Variants in CAMSAP1 observed in about 807,000 individuals in gnomAD.
CAMSAP1 encodes calmodulin regulated spectrin associated protein 1.
Under a neutral mutation model 143.5 loss-of-function variants are expected in CAMSAP1, and 58 were observed. The observed-to-expected ratio is 0.40, with a 90% confidence interval of 0.33 to 0.50. The LOEUF (loss-of-function observed/expected upper bound fraction) is 0.50, where lower values mean the gene tolerates loss of function less well. Ranked by LOEUF, CAMSAP1 falls within the 20% of genes least tolerant of loss-of-function variation. The probability of loss-of-function intolerance (pLI) is 0.45; values close to 1 mark genes in which losing one functional copy is unlikely to be tolerated. For synonymous variants in CAMSAP1, 945 were observed against 859.3 expected, an observed-to-expected ratio of 1.10 and a Z score of -1.74; for missense variants, 1,969 against 2,115.7, an observed-to-expected ratio of 0.93 and a Z score of 1.36.
At chr9:135,861,520 G>A (rs2130930673) in intron 5 of CAMSAP1, among the ~76,000 whole-genome samples, 1 of 152,220 alleles carries the variant, frequency 6.6e-6, no homozygotes, top group South Asian at 2.1e-4. Context: ...GGTCAGGCTG[G>A]TCTCTAACTC....
intron 1 of CAMSAP1, among the ~76,000 whole-genome samples, chr9:135,892,003 A>G (rs1564461105): frequency 6.6e-6 from 1 of 152,232 alleles, no homozygotes. Context: ...AGAGAGAAGA[A>G]ACTGATGGGA....
chr9:135,853,131 G>A (rs769469450), intron 5 of CAMSAP1, among the ~76,000 whole-genome samples: 9 of 152,192 alleles, frequency 5.9e-5, no homozygotes, highest in Admixed American at 1.3e-4. Context: ...TCACCAATAC[G>A]GAGATGTCCC....
At chr9:135,904,765 G>A (rs1052018154) in intron 1 of CAMSAP1, among the ~76,000 whole-genome samples, 4 of 152,084 alleles carry the variant, frequency 2.6e-5, no homozygotes, top group East Asian at 3.9e-4. Context: ...TCAGGAGTTC[G>A]AGACCAGCCT....
At chr9:135,839,810 C>A (rs977669625) in intron 7 of CAMSAP1, among the ~76,000 whole-genome samples, 3 of 152,030 alleles carry the variant, frequency 2.0e-5, no homozygotes, top group Non-Finnish European at 4.4e-5. Context: ...GCCCACCGAG[C>A]CCCTCTCTAC....
At chr9:135,813,137 C>T (rs1158858214) in intron 16 of CAMSAP1, among the ~76,000 whole-genome samples, 1 of 152,202 alleles carries the variant, frequency 6.6e-6, no homozygotes, top group Non-Finnish European at 1.5e-5. Flanking sequence ...TCTCCACATG[C>T]GGCCCAGGCA....
chr9:135,829,453 G>A (rs1003453301), intron 7 of CAMSAP1, among the ~76,000 whole-genome samples: 7 of 152,116 alleles, frequency 4.6e-5, no homozygotes, highest in Non-Finnish European at 1.0e-4. Flanking sequence ...GGAGTCTGAG[G>A]CTGCAGTGAG....
Position 135,824,883 on chromosome 9 carries a change from A to G in CAMSAP1, c.1224-3T>C. On this transcript the variant is annotated splice_region_variant and splice_polypyrimidine_tract_variant and intron_variant, in intron 8 of 16. Coordinates refer to ENST00000389532, the MANE Select transcript of CAMSAP1 (RefSeq NM_015447.4). The surrounding 1 kb of genome is among the most constrained non-coding windows in gnomAD (Gnocchi z 4.1). The stretch of plus-strand genomic sequence containing the variant: ...TGAAGGCAGCAGTTCCTTTCCCGCT[A>G]AATGGAAAAAGAATTACAGGGAAAA... The G allele has an allele frequency of 6.3e-7, 1 of 1,577,778 alleles. No homozygotes were observed. The highest frequency in any genetic ancestry group is 8.6e-7 in the Non-Finnish European group (1 of 1,161,366).
At chr9:135,901,140 C>CCAT (rs1179132504) in intron 1 of CAMSAP1, among the ~76,000 whole-genome samples, 2 of 152,190 alleles carry the variant, frequency 1.3e-5, no homozygotes, top group Non-Finnish European at 2.9e-5. Context: ...GTCAAGGGCA[C>CCAT]CATCGTTCCT....
chr9:135,822,408 A>T lies in CAMSAP1; in HGVS notation c.2253T>A (p.Asp751Glu). Reference sequence around the variant, plus strand: ...CCACAGGATGGGCCTCACCCATGAAATCGTGCTCGGCTTCCTCTATGTCCA... The same window carrying T: ...CCACAGGATGGGCCTCACCCATGAATTCGTGCTCGGCTTCCTCTATGTCCA... Reference protein sequence around the residue: ...DVVDIEEAEHDFMGEAHPVVF... With the variant: ...DVVDIEEAEHEFMGEAHPVVF... The change falls in exon 11 of 17, where the codon GAT becomes GAA. Residue 751 changes from aspartate to glutamate, a missense_variant. Asp to Glu is a conservative substitution (Grantham distance 45). Transcript: ENST00000389532. The surrounding 1 kb of genome is among the most constrained non-coding windows in gnomAD (Gnocchi z 6.1). 6.2e-7 allele frequency: 1 copy of T among 1,613,984 alleles called. No individual in the cohort carries two copies. Among genetic ancestry groups the T allele is most frequent in the Non-Finnish European group, 8.5e-7 (1 of 1,179,896 alleles).
chr9:135,858,766 G>A (rs1461970403), intron 5 of CAMSAP1, among the ~76,000 whole-genome samples: 1 of 152,228 alleles, frequency 6.6e-6, no homozygotes. Context: ...GCAGCCCCCA[G>A]GCCAAGGCCA....
chr9:135,824,071 A>C lies in CAMSAP1; in HGVS notation c.1316-37T>G. On this transcript the variant is annotated intron_variant, in intron 9 of 16. Transcript: ENST00000389532. This position sits in a 1 kb window ranked among gnomAD's most constrained non-coding sequence, Gnocchi z 4.1. ...AGGAATTAGATAGTGTTAAGTAACC[A>C]ATTTTCTATCACTTGAAATTCTTTC... 6.6e-7 allele frequency: 1 copy of C among 1,517,292 alleles called. No homozygotes were observed. The highest frequency in any genetic ancestry group is 9.0e-7 in the Non-Finnish European group (1 of 1,114,430). 94.0% of individuals were successfully genotyped at this position (1,517,292 alleles called of 1,614,324 possible).
At chr9:135,887,654 G>C (rs1838167499) in intron 1 of CAMSAP1, among the ~76,000 whole-genome samples, 1 of 152,140 alleles carries the variant, frequency 6.6e-6, no homozygotes, top group South Asian at 2.1e-4. Context: ...GAAGGGGTGG[G>C]CGGCCCATCA....
intron 3 of CAMSAP1, among the ~76,000 whole-genome samples, chr9:135,867,903 G>A (rs530673974): frequency 2.6e-5 from 4 of 152,162 alleles, no homozygotes; most frequent in South Asian, 2.1e-4. Flanking sequence ...ACCCCAAGAC[G>A]CCTCCCATCC....
rs914979807 is a variant in CAMSAP1, at chr9:135,824,224, G to A, written c.1316-190C>T. Among the ~76,000 whole-genome samples the A allele has an allele frequency of 6.6e-6, 1 of 152,230 alleles. No individual in the cohort carries two copies. Among genetic ancestry groups the A allele is most frequent in the Non-Finnish European group, 1.5e-5 (1 of 68,050 alleles). On this transcript the variant is annotated intron_variant, in intron 9 of 16. Transcript: ENST00000389532. The surrounding 1 kb of genome is among the most constrained non-coding windows in gnomAD (Gnocchi z 4.1). Reference sequence around the variant, plus strand: ...GGTAACACACAGTTCAGAACTGTGAGAGAGCTTCAGCATGTGTGAGCCCTG... The same window carrying A: ...GGTAACACACAGTTCAGAACTGTGAAAGAGCTTCAGCATGTGTGAGCCCTG...
intron 1 of CAMSAP1, among the ~76,000 whole-genome samples, chr9:135,886,112 T>C (rs938305108): frequency 6.6e-6 from 1 of 152,218 alleles, no homozygotes; most frequent in African/African-American, 2.4e-5. Flanking sequence ...TAATAGTTTC[T>C]TGTTGTTTTT....
At chr9:135,863,562 G>A (rs1299007779) in intron 4 of CAMSAP1, among the ~76,000 whole-genome samples, 1 of 152,184 alleles carries the variant, frequency 6.6e-6, no homozygotes, top group African/African-American at 2.4e-5. Flanking sequence ...GAATCAACTT[G>A]AGGAGAAATT....
chr9:135,821,226 G>C lies in CAMSAP1; in HGVS notation c.3435C>G (p.Pro1145=). The C allele has an allele frequency of 6.2e-7, 1 of 1,608,176 alleles. No homozygotes were observed. The highest frequency in any genetic ancestry group is 8.5e-7 in the Non-Finnish European group (1 of 1,179,776). ...GGGCACTGTCCAGGCCAGGGTCCGTGGGCGTCCGAGGGTGGCTGCTGGCAG... is the reference window on the plus strand; with the variant it reads ...GGGCACTGTCCAGGCCAGGGTCCGTCGGCGTCCGAGGGTGGCTGCTGGCAG... ...PFPASSHPRT[P]TDPGLDSALE... Residue 1145 remains proline, a synonymous_variant, in exon 11 of 17, where the codon CCC becomes CCG. Coordinates refer to ENST00000389532, the MANE Select transcript of CAMSAP1 (RefSeq NM_015447.4). This position sits in a 1 kb window ranked among gnomAD's most constrained non-coding sequence, Gnocchi z 4.6.
chr9:135,821,163 G>A lies in CAMSAP1; in HGVS notation c.3498C>T (p.Phe1166=), dbSNP rs183813341. ...TTTCATCATGGAGCCTGTAACTGTC[G>A]AAGAGACACTTCCCATGTGGGTCAC... is the stretch of plus-strand genomic sequence containing the variant. ...PSGDPHGKCL[F]DSYRLHDESN... Residue 1166 remains phenylalanine (F), a synonymous_variant, in exon 11 of 17, where the codon TTC becomes TTT. Coordinates refer to ENST00000389532, the MANE Select transcript of CAMSAP1 (RefSeq NM_015447.4). The surrounding 1 kb of genome is among the most constrained non-coding windows in gnomAD (Gnocchi z 4.6). The A allele has an allele frequency of 4.5e-5, 73 of 1,611,548 alleles. No individual in the cohort carries two copies. In the East Asian group the frequency reaches 6.7e-4, roughly 15 times the overall value.
intron 1 of CAMSAP1, among the ~76,000 whole-genome samples, chr9:135,893,249 GA>G (rs1351116410): frequency 4.7e-5 from 7 of 149,302 alleles, no homozygotes; most frequent in Non-Finnish European, 7.4e-5. Context: ...AGAGAGACGA[GA>G]AGGAGAGAGA....
Sources: allele counts gnomAD v4.1 joint callset (sites outside exome capture counted in the v4.1 genomes callset), GRCh38; gene constraint gnomAD v4.1.1; non-coding constraint Gnocchi (gnomAD v3.1); transcripts MANE v1.5; gene names NCBI Gene and HGNC (gene_info 2026-07-23, HGNC 2026-07-21).